DOCK5: variants seen among roughly 807,000 people sequenced by gnomAD.
DOCK5 encodes dedicator of cytokinesis protein 5.
DOCK5 carries 142 observed loss-of-function variants against 251.8 expected under a neutral mutation model. The observed-to-expected ratio is 0.56, with a 90% CI of 0.49 to 0.65. DOCK5 has a LOEUF of 0.65. Ranked by LOEUF, DOCK5 falls within the 30% of genes least tolerant of loss-of-function variation. DOCK5 has a pLI of 0.00. For missense variants in DOCK5, 2,111 were observed against 2,312.3 expected (o/e 0.91, Z 1.79); for synonymous variants, 842 against 835.5 (o/e 1.01, Z -0.13).
Position 25,324,094 on chromosome 8 carries a change from C to T in DOCK5, c.1719+143C>T, listed in dbSNP as rs1180361678. The T allele has an allele frequency of 1.1e-5, 10 of 906,494 alleles. No individual in the cohort carries two copies. The East Asian group carries it at 2.4e-4, about 22-fold the overall frequency. The allele number at this position is 906,494 out of a possible 1,614,324, so 56.2% of individuals were successfully genotyped here. On this transcript the variant is annotated intron_variant, in intron 17 of 51. Coordinates refer to ENST00000276440, the MANE Select transcript of DOCK5 (RefSeq NM_024940.8). ...CATTAACATCTAGAAACCCAGAGGG[C>T]TCTGGGCCCTCCAGCTTTGTGGTTT...
In DOCK5 at chr8:25,299,810, A is replaced by G. The variant is rs145046049; in HGVS notation, c.764+709A>G. On this transcript the variant is annotated intron_variant, in intron 8 of 51. Coordinates refer to ENST00000276440, the MANE Select transcript of DOCK5 (RefSeq NM_024940.8). ...TAGCAGCTAAGAAAATGGAGAATTTATTTTTGAGAAGATAGTTAAAAGTAA... is the reference window on the plus strand; with the variant it reads ...TAGCAGCTAAGAAAATGGAGAATTTGTTTTTGAGAAGATAGTTAAAAGTAA... Among the ~76,000 whole-genome samples, 717 of 152,324 alleles carry G rather than the reference A, an allele frequency of 4.7e-3. 2 individuals carry two copies. The highest frequency in any genetic ancestry group is 8.0e-3 in the Non-Finnish European group (542 of 68,020).
intron 38 of DOCK5, 117 bp from the exon 39 acceptor site, chr8:25,380,188 C>A: frequency 1.2e-6 from 1 of 817,678 alleles, no homozygotes; most frequent in Non-Finnish European, 2.0e-6. Context: ...GGAATATCTA[C>A]CGAAACTCAA....
chr8:25,224,767 A>G (rs1479925687), intron 1 of DOCK5, among the ~76,000 whole-genome samples: 1 of 152,202 alleles, frequency 6.6e-6, no homozygotes, highest in East Asian at 1.9e-4. Flanking sequence ...TAACAAATCA[A>G]ATAATACAGA....
chr8:25,238,761 A>G (rs900505976), intron 1 of DOCK5, among the ~76,000 whole-genome samples: 1 of 152,292 alleles, frequency 6.6e-6, no homozygotes, highest in African/African-American at 2.4e-5. Flanking sequence ...GAATAACTGA[A>G]TTTTTTGATG....
intron 40 of DOCK5, 150 bp from the exon 41 acceptor site, chr8:25,388,941 T>A: frequency 1.5e-6 from 1 of 680,754 alleles, no homozygotes; most frequent in Admixed American, 2.8e-5. Context: ...TGATGGTCGC[T>A]GTCAGGCAAG....
intron 2 of DOCK5, among the ~76,000 whole-genome samples, chr8:25,266,451 G>A (rs1234176248): frequency 4.0e-5 from 6 of 151,668 alleles, no homozygotes; most frequent in East Asian, 1.9e-4. Context: ...TCCTGACCTC[G>A]TGATCCGCCC....
At chr8:25,411,093 A>G (rs1233324903) in intron 51 of DOCK5, 101 bp from the exon 52 acceptor site, 3 of 1,358,418 alleles carry the variant, frequency 2.2e-6, no homozygotes, top group Middle Eastern at 1.9e-4. Context: ...ATAAACTCAG[A>G]TCAATTAGAA....
At chr8:25,218,834 A>G (rs923227702) in intron 1 of DOCK5, among the ~76,000 whole-genome samples, 8 of 152,172 alleles carry the variant, frequency 5.3e-5, no homozygotes, top group African/African-American at 1.9e-4. Context: ...AGGTGGCAGG[A>G]CCTTGAAGGC....
chr8:25,366,847 C>T (rs897013512), intron 30 of DOCK5, 23 bp from the exon 31 acceptor site: 16 of 1,588,438 alleles, frequency 1.0e-5, no homozygotes, highest in African/African-American at 5.4e-5. Flanking sequence ...TTTCCCTTTA[C>T]CCACACAATT....
At chr8:25,295,392 A>T (rs970756800) in intron 6 of DOCK5, among the ~76,000 whole-genome samples, 3 of 148,968 alleles carry the variant, frequency 2.0e-5, no homozygotes, top group Non-Finnish European at 4.5e-5. Context: ...TCTAAAAAAA[A>T]TAAAAATAAA....
intron 1 of DOCK5, among the ~76,000 whole-genome samples, chr8:25,198,540 C>T (rs1386215386): frequency 1.3e-5 from 2 of 151,014 alleles, no homozygotes; most frequent in African/African-American, 4.9e-5. Flanking sequence ...CCACTGCACT[C>T]CAACCTGGGC....
At chr8:25,220,189 CCTTTT>C (rs1459388346) in intron 1 of DOCK5, among the ~76,000 whole-genome samples, 3 of 151,450 alleles carry the variant, frequency 2.0e-5, no homozygotes, top group East Asian at 3.9e-4. Context: ...CCTTTCCTTT[CCTTTT>C]CTTTGTGTGT....
chr8:25,260,798 T>A (rs1422478328), intron 2 of DOCK5, among the ~76,000 whole-genome samples: 1 of 140,396 alleles, frequency 7.1e-6, no homozygotes, highest in Non-Finnish European at 1.6e-5. Context: ...CTTTCTTTCT[T>A]TTTTTTTTTT....
chr8:25,294,384 A>G (rs2117155117), intron 6 of DOCK5, among the ~76,000 whole-genome samples: 1 of 152,280 alleles, frequency 6.6e-6, no homozygotes, highest in Non-Finnish European at 1.5e-5. Flanking sequence ...CTTTCTTCCC[A>G]AAGACTTGGC....
Position 25,345,597 on chromosome 8 carries a change from G to C in DOCK5, c.2740G>C (p.Asp914His), listed in dbSNP as rs1016070048. 8 of 1,613,670 alleles carry C rather than the reference G, an allele frequency of 5.0e-6. No homozygotes were observed. The African/African-American group carries it at 1.1e-4, about 22-fold the overall frequency. Residue 914 changes from aspartate to histidine, a missense_variant, in exon 26 of 52, where the codon GAC becomes CAC. Asp to His is a moderately conservative substitution (Grantham distance 81). Transcript: ENST00000276440. ...TCTGAGCAACATCCTGGAGGTGCTGGACAGGAAGGATGTGGTGAGTTGAGT... is the reference window on the plus strand; with the variant it reads ...TCTGAGCAACATCCTGGAGGTGCTGCACAGGAAGGATGTGGTGAGTTGAGT... Reference protein sequence around the residue: ...QLLSNILEVLDRKDVGATAVH... With the variant: ...QLLSNILEVLHRKDVGATAVH...
rs1354607078 is a variant in DOCK5, at chr8:25,415,427, G to T, written c.*4129G>T. The T allele has an allele frequency of 6.6e-6, 1 of 152,148 alleles. No individual in the cohort carries two copies. Among genetic ancestry groups the T allele is most frequent in the Non-Finnish European group, 1.5e-5 (1 of 68,030 alleles). The allele number at this position is 152,148 out of a possible 1,614,324, so 9.4% of individuals were successfully genotyped here. A position where few individuals can be genotyped will look rare whatever the true frequency, so the allele number is the denominator to read the frequency against. ...TAAGTTTCTCTTTGGTGGGTTGAGA[G>T]TTGGACCATCAATTCTAATCTACAA... On this transcript the variant is annotated 3_prime_UTR_variant, in exon 52 of 52. Transcript: ENST00000276440.
At chr8:25,245,643 G>A (rs901585554) in intron 2 of DOCK5, among the ~76,000 whole-genome samples, 4 of 151,318 alleles carry the variant, frequency 2.6e-5, no homozygotes, top group East Asian at 3.9e-4. Flanking sequence ...GGGTTCAAGC[G>A]ATTCTCATGC....
intron 5 of DOCK5, among the ~76,000 whole-genome samples, chr8:25,279,929 T>G (rs1804145325): frequency 6.6e-6 from 1 of 151,732 alleles, no homozygotes; most frequent in Non-Finnish European, 1.5e-5. Context: ...CCGGCTAATT[T>G]TGTGTGTGTG....
At chr8:25,192,050 G>A (rs1464595330) in intron 1 of DOCK5, among the ~76,000 whole-genome samples, 4 of 151,914 alleles carry the variant, frequency 2.6e-5, no homozygotes, top group African/African-American at 9.7e-5. Context: ...AGTTTGCTGA[G>A]AATGATGGTT....
Sources: allele counts gnomAD v4.1 joint callset (sites outside exome capture counted in the v4.1 genomes callset), GRCh38; gene constraint gnomAD v4.1.1; transcripts MANE v1.5; gene names NCBI Gene and HGNC (gene_info 2026-07-23, HGNC 2026-07-21).